Variants in CGNL1 observed in about 807,000 individuals in gnomAD.
The protein encoded by CGNL1 is cingulin like 1.
In CGNL1, 132 loss-of-function variants were observed where a neutral mutation model predicts 141.2. That is an observed-to-expected ratio of 0.93 (90% CI 0.81 to 1.08). CGNL1 has a LOEUF of 1.08. Among genes scored for constraint, CGNL1 ranks in the 50% least tolerant of loss-of-function variants. The pLI, the probability that CGNL1 is intolerant of heterozygous loss-of-function variation, is 0.00. For synonymous variants in CGNL1, 690 were observed against 622.1 expected, an observed-to-expected ratio of 1.11 and a Z score of -1.63; for missense variants, 1,870 against 1,588.6, an observed-to-expected ratio of 1.18 and a Z score of -3.01.
rs534163436 is a variant in CGNL1 at position 57,379,455 on chromosome 15, C to T, written c.-16+2888C>T. On this transcript the variant is annotated intron_variant, in intron 1 of 18. Transcript: ENST00000281282. ...TTGGGTTTGTGTTAAGAATTTATTG[C>T]CCTGGTGGCTTCCTTTTTTTCTTTG... is the stretch of plus-strand genomic sequence containing the variant. Among the ~76,000 whole-genome samples the T allele has an allele frequency of 3.3e-5, 5 of 152,232 alleles. No homozygotes were observed. The South Asian group carries it at 1.0e-3, about 32-fold the overall frequency.
intron 10 of CGNL1, among the ~76,000 whole-genome samples, chr15:57,518,777 A>G (rs184754011): frequency 1.3e-5 from 2 of 152,352 alleles, no homozygotes; most frequent in South Asian, 2.1e-4. Flanking sequence ...TAAACATCCT[A>G]TGAAGCACAG....
intron 8 of CGNL1, among the ~76,000 whole-genome samples, chr15:57,497,593 T>C (rs138626684): frequency 1.2e-4 from 18 of 152,352 alleles, no homozygotes; most frequent in African/African-American, 4.3e-4. Context: ...AGGAAAATTA[T>C]TGGAGCTAGC....
intron 8 of CGNL1, among the ~76,000 whole-genome samples, chr15:57,501,544 T>G (rs1440951174): frequency 6.6e-6 from 1 of 152,060 alleles, no homozygotes; most frequent in Non-Finnish European, 1.5e-5. Flanking sequence ...TAGCCTGGCA[T>G]GGGATGGGCT....
Position 57,445,862 on chromosome 15 carries a change from GGAA to G in CGNL1, c.1803+3397_1803+3399del, listed in dbSNP as rs1354711415. Reference sequence around the variant, plus strand: ...GAGAGAATCATCATGTTATTTTCATGGAAGAAGAAGAAGAAAAAAAGATCCATT... The same window carrying G: ...GAGAGAATCATCATGTTATTTTCATGGAAGAAGAAGAAAAAAAGATCCATT... On this transcript the variant is annotated intron_variant, in intron 4 of 18. Coordinates refer to ENST00000281282, the MANE Select transcript of CGNL1 (RefSeq NM_032866.5). Among the ~76,000 whole-genome samples, 15 of 152,118 alleles carry G rather than the reference GGAA, an allele frequency of 9.9e-5. 1 individual carries two copies. The highest frequency in any genetic ancestry group is 2.4e-4 in the African/African-American group (10 of 41,498).
chr15:57,443,335 C>T (rs1449140099), intron 4 of CGNL1, among the ~76,000 whole-genome samples: 2 of 152,180 alleles, frequency 1.3e-5, no homozygotes, highest in Non-Finnish European at 2.9e-5. Context: ...GGAAGCCACT[C>T]GTAAGAGAGT....
chr15:57,514,613 A>G (rs1446515412), intron 8 of CGNL1, among the ~76,000 whole-genome samples: 1 of 151,952 alleles, frequency 6.6e-6, no homozygotes, highest in Admixed American at 6.6e-5. Context: ...ATTTTGAAGA[A>G]GCTTAATTTA....
intron 8 of CGNL1, among the ~76,000 whole-genome samples, chr15:57,505,487 G>C (rs1001613562): frequency 7.9e-5 from 12 of 152,258 alleles, no homozygotes; most frequent in African/African-American, 2.9e-4. Context: ...GCCTGGCCTT[G>C]CAAGGAGGAA....
intron 8 of CGNL1, among the ~76,000 whole-genome samples, chr15:57,470,595 C>T (rs2934442): frequency 0.84 from 128,613 of 152,210 alleles, 54,618 homozygotes; most frequent in African/African-American, 0.92. Context: ...GTGGGTTAGG[C>T]TGTAGAAGAC....
chr15:57,528,847 C>T (rs753846637), intron 13 of CGNL1, 32 bp downstream of exon 13: 2 of 1,607,580 alleles, frequency 1.2e-6, no homozygotes, highest in Admixed American at 3.4e-5. Flanking sequence ...AGCTGGGGGA[C>T]CTGCAGAGAG....
chr15:57,485,633 T>C (rs186020191), intron 8 of CGNL1, among the ~76,000 whole-genome samples: 1 of 152,364 alleles, frequency 6.6e-6, no homozygotes, highest in African/African-American at 2.4e-5. Flanking sequence ...TGTAATTGTG[T>C]GGAATTTTTT....
chr15:57,493,340 A>G (rs1360716901), intron 8 of CGNL1, among the ~76,000 whole-genome samples: 2 of 152,174 alleles, frequency 1.3e-5, no homozygotes, highest in South Asian at 2.1e-4. Context: ...GGCCACAGAC[A>G]GATTTTGGAA....
chr15:57,449,345 A>G (rs1220776742), intron 4 of CGNL1, among the ~76,000 whole-genome samples: 1 of 151,990 alleles, frequency 6.6e-6, no homozygotes, highest in Non-Finnish European at 1.5e-5. Context: ...TCTAATCTCT[A>G]TTTCTTTCAT....
intron 10 of CGNL1, among the ~76,000 whole-genome samples, chr15:57,519,054 T>A (rs2031059685): frequency 1.3e-5 from 2 of 152,230 alleles, no homozygotes; most frequent in South Asian, 4.1e-4. Flanking sequence ...GTCATTTCCT[T>A]GAAACTGGAT....
At chr15:57,409,037 T>TCACACACACA (rs59988268) in intron 1 of CGNL1, among the ~76,000 whole-genome samples, 38,901 of 141,454 alleles carry the variant, frequency 0.28, 5,611 homozygotes, top group East Asian at 0.33. Context: ...TGAGACTCTG[T>TCACACACACA]CACACACACA....
chr15:57,452,248 A>ACTGGAAGAAAGTGAAGGGGAGCT lies in CGNL1; in HGVS notation c.2015_2037dup (p.Arg680TrpfsTer18). 1 of 1,613,986 alleles carries ACTGGAAGAAAGTGAAGGGGAGCT rather than the reference A, an allele frequency of 6.2e-7. No individual in the cohort carries two copies. The highest frequency in any genetic ancestry group is 8.5e-7 in the Non-Finnish European group (1 of 1,179,928). On this transcript the variant is annotated frameshift_variant, in exon 6 of 19. Coordinates refer to ENST00000281282, the MANE Select transcript of CGNL1 (RefSeq NM_032866.5). LOFTEE classifies it high-confidence loss of function. ...AGGAGAACTCCACATTGCAGCAACG[A>ACTGGAAGAAAGTGAAGGGGAGCT]CTGGAAGAAAGTGAAGGGGAGCTCC...
chr15:57,510,763 G>A (rs2030217704), intron 8 of CGNL1, among the ~76,000 whole-genome samples: 1 of 152,216 alleles, frequency 6.6e-6, no homozygotes. Flanking sequence ...GAGTGGAAAA[G>A]TTGGGGAAGC....
chr15:57,435,915 A>G (rs1183142008), intron 1 of CGNL1, among the ~76,000 whole-genome samples: 1 of 152,218 alleles, frequency 6.6e-6, no homozygotes, highest in African/African-American at 2.4e-5. Flanking sequence ...GGGAAGCTCA[A>G]TATATTTAAA....
intron 1 of CGNL1, among the ~76,000 whole-genome samples, chr15:57,380,495 G>T (rs906492617): frequency 6.6e-6 from 1 of 152,242 alleles, no homozygotes; most frequent in African/African-American, 2.4e-5. Flanking sequence ...GTGGCCCGTG[G>T]GGTACTGTGG....
At chr15:57,513,233 T>C (rs1422251027) in intron 8 of CGNL1, among the ~76,000 whole-genome samples, 1 of 151,014 alleles carries the variant, frequency 6.6e-6, no homozygotes, top group South Asian at 2.1e-4. Context: ...ATTCCAGACT[T>C]TCATATAAAT....
Sources: gnomAD v4.1 joint callset for allele counts (sites outside exome capture counted in the v4.1 genomes callset) on GRCh38, gnomAD v4.1.1 for gene constraint, MANE v1.5 for transcripts, NCBI Gene and HGNC (gene_info 2026-07-23, HGNC 2026-07-21) for gene names.